The following TEN1 variants were observed in gnomAD, a reference collection of about 807,000 sequenced individuals.
TEN1 encodes TEN1 subunit of CST complex, also known as CST complex subunit TEN1.
Under a neutral mutation model 9.3 loss-of-function variants are expected in TEN1, and 6 were observed. That is an observed-to-expected ratio of 0.65 (90% confidence interval 0.35 to 1.27). The LOEUF is 1.27. TEN1 is among the 50% of genes most tolerant of loss of function. The probability of loss-of-function intolerance (pLI) is 0.03; values close to 1 mark genes in which losing one functional copy is unlikely to be tolerated. For missense variants in TEN1, 149 were observed against 158.2 expected (o/e 0.94, Z 0.31); for synonymous variants, 65 against 65.6 (o/e 0.99, Z 0.04).
chr17:76,000,328 C>T lies in TEN1; in HGVS notation c.*66C>T, dbSNP rs2066247038. 50 of 1,497,304 alleles carry T rather than the reference C, an allele frequency of 3.3e-5. No individual in the cohort carries two copies. The South Asian group carries it at 4.9e-4, about 15-fold the overall frequency. The allele number at this position is 1,497,304 out of a possible 1,614,324, so 92.8% of individuals were successfully genotyped here. A position where few individuals can be genotyped will look rare whatever the true frequency, so the allele number is the denominator to read the frequency against. On this transcript the variant is annotated 3_prime_UTR_variant, in exon 4 of 4. Transcript: ENST00000397640. This position sits in a 1 kb window ranked among gnomAD's most constrained non-coding sequence, Gnocchi z 5.9. ...CGAACCCTCTGGAGCTGCAGGAGCC[C>T]GGGAGAGCACAGACGCCTCCCCAGC...
chr17:75,990,001 C>A lies in TEN1; in HGVS notation c.93-1465C>A, dbSNP rs1161377307. On this transcript the variant is annotated intron_variant, in intron 2 of 3. Transcript: ENST00000397640. ...GGCTCAAGCAATCCTCTTGCCTCAG[C>A]CTCCCAAAGTGCTGGGATTACAGAT... Among the ~76,000 whole-genome samples the A allele has an allele frequency of 2.0e-5, 3 of 151,936 alleles. No homozygotes were observed. In the East Asian group the frequency reaches 5.8e-4, roughly 29 times the overall value.
At chr17:75,991,149 CAA>C (rs71361699) in intron 2 of TEN1, among the ~76,000 whole-genome samples, 1 of 70,216 alleles carries the variant, frequency 1.4e-5, no homozygotes, top group Non-Finnish European at 2.5e-5. Flanking sequence ...GACTCCATCT[CAA>C]AAAAAAAAAA....
intron 1 of TEN1, among the ~76,000 whole-genome samples, chr17:75,983,133 T>C (rs1188916334): frequency 6.6e-6 from 1 of 151,246 alleles, no homozygotes; most frequent in African/African-American, 2.4e-5. Flanking sequence ...ATACAAAAAT[T>C]AGCCGGGCAT....
chr17:75,995,220 CAAA>C (rs57034018), intron 3 of TEN1, among the ~76,000 whole-genome samples: 10 of 120,888 alleles, frequency 8.3e-5, no homozygotes, highest in Admixed American at 9.0e-5. Flanking sequence ...GACCCTGTTT[CAAA>C]AAAAAAAAAA....
chr17:75,995,262 C>G (rs1248784475), intron 3 of TEN1, among the ~76,000 whole-genome samples: 2 of 151,496 alleles, frequency 1.3e-5, no homozygotes, highest in South Asian at 4.2e-4. Context: ...TGTGGTTGCT[C>G]ACACCTGTAA....
At chr17:75,997,054 T>C (rs2066222254) in intron 3 of TEN1, among the ~76,000 whole-genome samples, 1 of 152,182 alleles carries the variant, frequency 6.6e-6, no homozygotes, top group Non-Finnish European at 1.5e-5. Flanking sequence ...TGAAATTGCA[T>C]GCCATCCACT....
intron 1 of TEN1, among the ~76,000 whole-genome samples, chr17:75,980,420 C>T (rs1419273272): frequency 6.6e-6 from 1 of 151,038 alleles, no homozygotes; most frequent in East Asian, 1.9e-4. Context: ...GTTGAATCAT[C>T]TCTAGTCATT....
At chr17:75,996,687 T>C (rs1339546620) in intron 3 of TEN1, among the ~76,000 whole-genome samples, 2 of 122,354 alleles carry the variant, frequency 1.6e-5, no homozygotes, top group Non-Finnish European at 3.2e-5. Flanking sequence ...GCAGCCTGGG[T>C]GACAGAGTGA....
intron 1 of TEN1, among the ~76,000 whole-genome samples, chr17:75,985,876 A>AT (rs11454795): frequency 0.46 from 68,645 of 149,630 alleles, 19,855 homozygotes; most frequent in African/African-American, 0.83. Flanking sequence ...TATCAAAAAA[A>AT]TTTTTTCTTT....
At chr17:75,997,833 T>G (rs957295678) in intron 3 of TEN1, among the ~76,000 whole-genome samples, 1 of 151,866 alleles carries the variant, frequency 6.6e-6, no homozygotes, top group African/African-American at 2.4e-5. Flanking sequence ...CAGGCCCTTC[T>G]TCTTTGCTCC....
At chr17:75,988,510 C>T (rs1202154162) in intron 2 of TEN1, among the ~76,000 whole-genome samples, 1 of 127,732 alleles carries the variant, frequency 7.8e-6, no homozygotes, top group African/African-American at 3.1e-5. Context: ...TGCAGTGAGC[C>T]GAGACTGCAC....
At chr17:75,985,321 T>A (rs2066145155) in intron 1 of TEN1, among the ~76,000 whole-genome samples, 1 of 151,712 alleles carries the variant, frequency 6.6e-6, no homozygotes, top group Non-Finnish European at 1.5e-5. Flanking sequence ...CATTTTTGTA[T>A]TTTTTTTGTG....
intron 3 of TEN1, among the ~76,000 whole-genome samples, chr17:75,994,153 C>T (rs1002297818): frequency 3.3e-5 from 5 of 149,922 alleles, no homozygotes; most frequent in Admixed American, 6.7e-5. Flanking sequence ...ACATTTTTGT[C>T]GCTGGGCGCG....
In TEN1 at chr17:76,000,514, C is replaced by G. The variant is rs868823708; in HGVS notation, c.*252C>G. 2 of 527,050 alleles carry G rather than the reference C, an allele frequency of 3.8e-6. No individual in the cohort carries two copies. Among genetic ancestry groups the G allele is most frequent in the African/African-American group, 3.8e-5 (2 of 51,954 alleles). 32.6% of individuals were successfully genotyped at this position (527,050 alleles called of 1,614,324 possible). A position where few individuals can be genotyped will look rare whatever the true frequency, so the allele number is the denominator to read the frequency against. ...GGTGGCCGAGCTTGGGCGCCGGGGC[C>G]GTGCTTGGTGTGGGGCCATGGAGGG... On this transcript the variant is annotated 3_prime_UTR_variant, in exon 4 of 4. Coordinates refer to ENST00000397640, the MANE Select transcript of TEN1 (RefSeq NM_001113324.3). This position sits in a 1 kb window ranked among gnomAD's most constrained non-coding sequence, Gnocchi z 5.9.
intron 1 of TEN1, 66 bp downstream of exon 1, chr17:75,979,577 C>A (rs971010767): frequency 4.1e-6 from 1 of 243,436 alleles, no homozygotes; most frequent in Non-Finnish European, 8.3e-6. Flanking sequence ...CTGCACTTGC[C>A]CCCCTCTTAC....
chr17:75,988,221 CAA>C (rs1355458563), intron 2 of TEN1, among the ~76,000 whole-genome samples: 6 of 139,252 alleles, frequency 4.3e-5, no homozygotes, highest in African/African-American at 1.6e-4. Context: ...GCCTGGGTGA[CAA>C]GAGTGAAATT....
In TEN1 at chr17:75,991,591, A is replaced by G. The variant is rs1445270614; in HGVS notation, c.218A>G (p.Tyr73Cys). Reference protein sequence around the residue: ...EPFHAQVGSLYIVLGELQHQQ... With the variant: ...EPFHAQVGSLCIVLGELQHQQ... ...TTCCACGCCCAGGTGGGCTCCCTGT[A>G]CATCGTCCTCGGGGAGCTCCAGCAT... Residue 73 changes from tyrosine (Y) to cysteine (C), a missense_variant, in exon 3 of 4, where the codon TAC becomes TGC. Physicochemically the swap from Tyr to Cys is radical, Grantham distance 194. Transcript: ENST00000397640. The G allele has an allele frequency of 1.9e-6, 3 of 1,551,958 alleles. No homozygotes were observed. In the South Asian group the frequency reaches 3.6e-5, roughly 18 times the overall value.
intron 3 of TEN1, among the ~76,000 whole-genome samples, chr17:75,992,486 T>C (rs947487450): frequency 3.3e-5 from 5 of 151,894 alleles, no homozygotes; most frequent in African/African-American, 1.2e-4. Context: ...ATTACAGGTG[T>C]GCAGCACCAA....
At chr17:75,986,112 T>C in intron 1 of TEN1, 75 bp from the exon 2 acceptor site, 1 of 1,164,242 alleles carries the variant, frequency 8.6e-7, no homozygotes. Flanking sequence ...GTCTCATATA[T>C]CTGCTAATCT....
Sources: gnomAD v4.1 joint callset for allele counts (sites outside exome capture counted in the v4.1 genomes callset) on GRCh38, gnomAD v4.1.1 for gene constraint, Gnocchi (gnomAD v3.1) non-coding constraint, MANE v1.5 for transcripts, NCBI Gene and HGNC (gene_info 2026-07-23, HGNC 2026-07-21) for gene names.